PCDH7: variants seen among roughly 807,000 people sequenced by gnomAD.
The protein encoded by PCDH7 is protocadherin 7, also known as protocadherin-7.
A neutral mutation model predicts 58.9 loss-of-function variants in PCDH7; 17 were observed. The ratio of observed to expected loss-of-function variants is 0.29; its 90% CI spans 0.20 to 0.43. The LOEUF is 0.43. Ranked by LOEUF, PCDH7 falls within the 20% of genes least tolerant of loss-of-function variation. The probability of loss-of-function intolerance (pLI) is 1.00; values close to 1 mark genes in which losing one functional copy is unlikely to be tolerated. For missense variants in PCDH7, 1,274 were observed against 1,441.0 expected (o/e 0.88, Z 1.88); for synonymous variants, 664 against 616.4 (o/e 1.08, Z -1.14).
downstream of PCDH7, chr4:31,144,029 T>G (rs1240007958): frequency 1.3e-5 from 2 of 152,198 alleles, no homozygotes; most frequent in Non-Finnish European, 2.9e-5. Flanking sequence ...CATATAGTCT[T>G]GATAGTTAAG....
chr4:30,835,064 T>C (rs1172322776), intron 1 of PCDH7, among the ~76,000 whole-genome samples: 2 of 152,142 alleles, frequency 1.3e-5, no homozygotes, highest in Non-Finnish European at 2.9e-5. Flanking sequence ...AATTTGTCGG[T>C]TGTTACACCT....
rs1337466637 is a variant in PCDH7 at position 30,722,063 on chromosome 4, C to G, written c.641C>G (p.Ala214Gly). ...TACCCCGGGGGCGGCGGGAACGGCG[C>G]GAGCGGCGGCGGCTCGGGAGGCTCC... The change falls in exon 1 of 2, where the codon GCG becomes GGG. Residue 214 changes from alanine (A) to glycine (G), a missense_variant. Ala to Gly is a moderately conservative substitution (Grantham distance 60). Transcript: ENST00000361762. This position sits in a 1 kb window ranked among gnomAD's most constrained non-coding sequence, Gnocchi z 7.6. The G allele has an allele frequency of 3.2e-6, 4 of 1,242,500 alleles. No homozygotes were observed. The highest frequency in any genetic ancestry group is 4.0e-6 in the Non-Finnish European group (4 of 995,428). 77.0% of individuals were successfully genotyped at this position (1,242,500 alleles called of 1,614,324 possible).
chr4:30,962,288 A>C (rs1182127862), intron 3 of PCDH7, among the ~76,000 whole-genome samples: 2 of 151,906 alleles, frequency 1.3e-5, no homozygotes, highest in African/African-American at 4.8e-5. Flanking sequence ...TGATGGCAAA[A>C]CTCCTGCCAT....
At chr4:30,756,495 T>C (rs758891502) in intron 1 of PCDH7, among the ~76,000 whole-genome samples, 1 of 152,192 alleles carries the variant, frequency 6.6e-6, no homozygotes, top group African/African-American at 2.4e-5. Flanking sequence ...GAATCCTTAA[T>C]GTCTGATGCT....
At chr4:30,774,532 C>T (rs1354506950) in intron 1 of PCDH7, among the ~76,000 whole-genome samples, 1 of 152,160 alleles carries the variant, frequency 6.6e-6, no homozygotes, top group Non-Finnish European at 1.5e-5. Context: ...TGAGTGCCTG[C>T]TAATGTGCTA....
At chr4:31,058,247 T>C (rs1056182893) in intron 3 of PCDH7, among the ~76,000 whole-genome samples, 3 of 152,110 alleles carry the variant, frequency 2.0e-5, no homozygotes, top group African/African-American at 7.2e-5. Flanking sequence ...GTGCAAGGAA[T>C]TGGGTGATAC....
intron 1 of PCDH7, among the ~76,000 whole-genome samples, chr4:30,791,277 C>T (rs2109298655): frequency 6.6e-6 from 1 of 152,216 alleles, no homozygotes; most frequent in Non-Finnish European, 1.5e-5. Context: ...GGGTTTGAAA[C>T]GTGGTTCATA....
intron 3 of PCDH7, among the ~76,000 whole-genome samples, chr4:31,114,798 G>A (rs923254234): frequency 6.6e-6 from 1 of 152,020 alleles, no homozygotes; most frequent in Non-Finnish European, 1.5e-5. Flanking sequence ...TATTTAATCA[G>A]ACTCCTTAAA....
chr4:30,774,120 C>T (rs1397385632), intron 1 of PCDH7, among the ~76,000 whole-genome samples: 1 of 152,148 alleles, frequency 6.6e-6, no homozygotes, highest in Non-Finnish European at 1.5e-5. Context: ...TCTGACTTTT[C>T]TCTGACCTCT....
chr4:31,051,009 G>A (rs1293913014), intron 3 of PCDH7, among the ~76,000 whole-genome samples: 1 of 152,052 alleles, frequency 6.6e-6, no homozygotes, highest in African/African-American at 2.4e-5. Context: ...AATCTTAATC[G>A]CTTAGTTCAC....
intron 1 of PCDH7, among the ~76,000 whole-genome samples, chr4:30,825,042 A>G (rs1051538405): frequency 1.3e-5 from 2 of 152,052 alleles, no homozygotes; most frequent in African/African-American, 4.8e-5. Context: ...ATAGATGTGG[A>G]TGTGTTGTAT....
chr4:30,993,466 A>G (rs1309033415), intron 3 of PCDH7, among the ~76,000 whole-genome samples: 1 of 152,190 alleles, frequency 6.6e-6, no homozygotes, highest in East Asian at 1.9e-4. Flanking sequence ...TGCTATGAAA[A>G]TGATAATAAT....
At chr4:31,066,364 TAA>T (rs1305072779) in intron 3 of PCDH7, among the ~76,000 whole-genome samples, 2 of 151,884 alleles carry the variant, frequency 1.3e-5, no homozygotes, top group African/African-American at 2.4e-5. Flanking sequence ...ATAAATATAT[TAA>T]GTCACCCCTC....
intron 3 of PCDH7, among the ~76,000 whole-genome samples, chr4:31,110,027 A>G (rs1578822641): frequency 6.6e-6 from 1 of 152,366 alleles, no homozygotes; most frequent in South Asian, 2.1e-4. Context: ...CTAGAACACC[A>G]TAAGAATAGC....
chr4:30,734,089 A>C (rs554238847), downstream of PCDH7, among the ~76,000 whole-genome samples: 34 of 152,126 alleles, frequency 2.2e-4, no homozygotes, highest in Admixed American at 2.1e-3. Context: ...CACACAAAAA[A>C]CCTACCAAAG....
At chr4:31,146,542 A>G (rs1015269130), downstream of PCDH7, 3 of 151,984 alleles carry the variant, frequency 2.0e-5, no homozygotes, top group Admixed American at 2.0e-4. Flanking sequence ...TCAGTGTGGT[A>G]CGATCTGTTT....
chr4:30,955,314 A>G (rs974320655), intron 3 of PCDH7, among the ~76,000 whole-genome samples: 3 of 151,934 alleles, frequency 2.0e-5, no homozygotes, highest in African/African-American at 4.8e-5. Context: ...TTGAAAGCCA[A>G]TTGGATAACA....
intron 1 of PCDH7, among the ~76,000 whole-genome samples, chr4:30,799,709 A>G (rs1480334760): frequency 1.3e-5 from 2 of 152,202 alleles, no homozygotes; most frequent in African/African-American, 4.8e-5. Context: ...TAATTGAAAG[A>G]GTTAAAAGTT....
At chr4:31,103,380 C>A (rs1343853668) in intron 3 of PCDH7, among the ~76,000 whole-genome samples, 4 of 152,112 alleles carry the variant, frequency 2.6e-5, no homozygotes, top group African/African-American at 9.7e-5. Flanking sequence ...TGCTCTGTCA[C>A]CTAGGCTGCT....
Sources: allele counts gnomAD v4.1 joint callset (sites outside exome capture counted in the v4.1 genomes callset), GRCh38; gene constraint gnomAD v4.1.1; non-coding constraint Gnocchi (gnomAD v3.1); transcripts MANE v1.5; gene names NCBI Gene and HGNC (gene_info 2026-07-23, HGNC 2026-07-21).